LMBR1: variants seen among roughly 807,000 people sequenced by gnomAD.
LMBR1 encodes the protein limb region 1 protein homolog.
LMBR1 carries 52 observed loss-of-function variants against 73.9 expected under a neutral mutation model. The observed-to-expected ratio is 0.70, with a 90% confidence interval of 0.56 to 0.89. The LOEUF (loss-of-function observed/expected upper bound fraction) is 0.89. Among genes scored for constraint, LMBR1 ranks in the 40% least tolerant of loss-of-function variants. The pLI, the probability that LMBR1 is intolerant of heterozygous loss-of-function variation, is 0.00. For missense variants in LMBR1, 539 were observed against 579.8 expected (o/e 0.93, Z 0.72); for synonymous variants, 215 against 209.4 (o/e 1.03, Z -0.23).
chr7:156,681,838 G>A lies in LMBR1; in HGVS notation c.*2240C>T, dbSNP rs1805099276. On this transcript the variant is annotated 3_prime_UTR_variant, in exon 17 of 17. Transcript: ENST00000353442. ...GAGCGACTGTCCTTACCAGGACTCA[G>A]AACGTTTGGCCTCCGTATTCTGGCA... The A allele has an allele frequency of 6.6e-6, 1 of 152,288 alleles. No individual in the cohort carries two copies. Among genetic ancestry groups the A allele is most frequent in the African/African-American group, 2.4e-5 (1 of 41,466 alleles). The allele number at this position is 152,288 out of a possible 1,614,324, so 9.4% of individuals were successfully genotyped here. A position where few individuals can be genotyped will look rare whatever the true frequency, so the allele number is the denominator to read the frequency against.
Position 156,801,194 on chromosome 7 carries a change from G to A in LMBR1, c.320-4702C>T, listed in dbSNP as rs570346045. ...ACACAGAAATCTTTTGTGAAAGGAA[G>A]AGTCAATCAATATGGCAAACTACAC... On this transcript the variant is annotated intron_variant, in intron 4 of 16. Coordinates refer to ENST00000353442, the MANE Select transcript of LMBR1 (RefSeq NM_022458.4). 2.0e-5 allele frequency among the ~76,000 whole-genome samples: 3 copies of A among 152,324 alleles called. No individual in the cohort carries two copies. In the South Asian group the frequency reaches 6.2e-4, roughly 32 times the overall value.
At chr7:156,795,698 A>C (rs1394521660) in intron 5 of LMBR1, among the ~76,000 whole-genome samples, 1 of 152,042 alleles carries the variant, frequency 6.6e-6, no homozygotes, top group Admixed American at 6.6e-5. Context: ...GACCACAGGT[A>C]CCCATCGCCA....
intron 1 of LMBR1, among the ~76,000 whole-genome samples, chr7:156,870,247 G>A (rs1259271234): frequency 6.6e-6 from 1 of 152,118 alleles, no homozygotes. Context: ...CTCCTCAATG[G>A]CAGCAAACTA....
intron 15 of LMBR1, among the ~76,000 whole-genome samples, chr7:156,707,221 G>A (rs1001720056): frequency 8.6e-5 from 13 of 152,022 alleles, no homozygotes; most frequent in Non-Finnish European, 1.8e-4. Context: ...CCAATGATGA[G>A]TAGCAAGATT....
chr7:156,820,100 AAGAC>A (rs747095078), intron 4 of LMBR1, among the ~76,000 whole-genome samples: 1 of 152,202 alleles, frequency 6.6e-6, no homozygotes, highest in Non-Finnish European at 1.5e-5. Flanking sequence ...GTCTGTGCAG[AAGAC>A]AGACAGAGCT....
chr7:156,740,888 CTT>C (rs763034013), intron 9 of LMBR1, among the ~76,000 whole-genome samples: 5 of 152,138 alleles, frequency 3.3e-5, no homozygotes, highest in African/African-American at 4.8e-5. Flanking sequence ...GTAAACTACT[CTT>C]ATCGTAAGTA....
intron 1 of LMBR1, among the ~76,000 whole-genome samples, chr7:156,868,548 C>T (rs746440818): frequency 6.6e-6 from 1 of 151,830 alleles, no homozygotes; most frequent in Non-Finnish European, 1.5e-5. Context: ...ATGGCATGCA[C>T]CTATAATCTA....
intron 1 of LMBR1, among the ~76,000 whole-genome samples, chr7:156,848,311 C>T (rs566375650): frequency 6.6e-6 from 1 of 152,148 alleles, no homozygotes; most frequent in South Asian, 2.1e-4. Context: ...TAGGAGAAAA[C>T]ATTTGCAAAC....
At chr7:156,687,212 G>C (rs910976443) in intron 16 of LMBR1, among the ~76,000 whole-genome samples, 5 of 152,196 alleles carry the variant, frequency 3.3e-5, no homozygotes, top group Non-Finnish European at 7.3e-5. Flanking sequence ...AAAAGCCCCA[G>C]TATGGAGTCA....
intron 1 of LMBR1, among the ~76,000 whole-genome samples, chr7:156,871,139 A>C (rs1799225650): frequency 6.6e-6 from 1 of 152,184 alleles, no homozygotes; most frequent in Non-Finnish European, 1.5e-5. Flanking sequence ...AATAAAAAGG[A>C]TCATGAGACT....
chr7:156,808,730 T>C (rs1309910444), intron 4 of LMBR1, among the ~76,000 whole-genome samples: 1 of 152,222 alleles, frequency 6.6e-6, no homozygotes, highest in Non-Finnish European at 1.5e-5. Context: ...TATATCTCTG[T>C]TGGGCTATTT....
chr7:156,889,298 T>C (rs1586496004), intron 1 of LMBR1, among the ~76,000 whole-genome samples: 1 of 152,168 alleles, frequency 6.6e-6, no homozygotes, highest in Admixed American at 6.5e-5. Context: ...GTGGTGGTGG[T>C]TGCACAACAA....
At chr7:156,767,707 CAG>C (rs1355906465) in intron 5 of LMBR1, among the ~76,000 whole-genome samples, 5 of 151,448 alleles carry the variant, frequency 3.3e-5, no homozygotes, top group African/African-American at 7.3e-5. Context: ...TAGTAAAAAA[CAG>C]AAAATCAAGT....
chr7:156,719,168 T>A (rs957139081), intron 15 of LMBR1, among the ~76,000 whole-genome samples: 2 of 134,018 alleles, frequency 1.5e-5, no homozygotes, highest in African/African-American at 5.6e-5. Flanking sequence ...AGTGTGATGT[T>A]CCCCTTCCTC....
intron 10 of LMBR1, among the ~76,000 whole-genome samples, 198 bp from the exon 11 acceptor site, chr7:156,728,918 T>C (rs1178805769): frequency 6.6e-6 from 1 of 152,184 alleles, no homozygotes; most frequent in Non-Finnish European, 1.5e-5. Context: ...TAGCCGCAGC[T>C]CACTGCAACC....
At chr7:156,676,267 A>C (rs183395239), downstream of LMBR1, 1 of 1,549,904 alleles carries the variant, frequency 6.5e-7, no homozygotes, top group East Asian at 2.4e-5. Context: ...GTATATATAT[A>C]AATAAAATGC....
intron 4 of LMBR1, among the ~76,000 whole-genome samples, chr7:156,824,564 A>G (rs865808816): frequency 6.6e-6 from 1 of 152,304 alleles, no homozygotes. Flanking sequence ...ACACATAAAA[A>G]GTGACATCTT....
chr7:156,723,549 G>A (rs1232620566), intron 15 of LMBR1, among the ~76,000 whole-genome samples: 1 of 152,036 alleles, frequency 6.6e-6, no homozygotes, highest in East Asian at 1.9e-4. Context: ...GCAAAAATCT[G>A]TTTTTCTTTT....
At chr7:156,822,681 A>C (rs1411930757) in intron 4 of LMBR1, 1 of 152,212 alleles carries the variant, frequency 6.6e-6, no homozygotes, top group Non-Finnish European at 1.5e-5. Flanking sequence ...AGCAATTAAT[A>C]TTAAAAAGCA....
Sources: allele counts gnomAD v4.1 joint callset (sites outside exome capture counted in the v4.1 genomes callset), GRCh38; gene constraint gnomAD v4.1.1; transcripts MANE v1.5; gene names NCBI Gene and HGNC (gene_info 2026-07-23, HGNC 2026-07-21).